The following GOLGA2 variants were observed in gnomAD, a reference collection of about 807,000 sequenced individuals.
GOLGA2 encodes golgin subfamily A member 2.
A neutral mutation model predicts 148.8 loss-of-function variants in GOLGA2; 49 were observed. The observed-to-expected ratio is 0.33, with a 90% confidence interval of 0.26 to 0.42. The LOEUF is 0.42. GOLGA2 is among the 10% of genes least tolerant of loss of function. The pLI, the probability that GOLGA2 is intolerant of heterozygous loss-of-function variation, is 1.00. For missense variants in GOLGA2, 1,178 were observed against 1,304.6 expected, an observed-to-expected ratio of 0.90 and a Z score of 1.49; for synonymous variants, 501 against 511.8, an observed-to-expected ratio of 0.98 and a Z score of 0.28.
In GOLGA2 at chr9:128,267,934, C is replaced by G; in HGVS notation, c.501G>C (p.Glu167Asp). 1 of 1,612,352 alleles carries G rather than the reference C, an allele frequency of 6.2e-7. No individual in the cohort carries two copies. Among genetic ancestry groups the G allele is most frequent in the Non-Finnish European group, 8.5e-7 (1 of 1,178,418 alleles). ...CTCTCGGCCTCAGTTCCTGAGGTAC[C>G]TCACAAACAAGACCATTGAGCTGTT... is the stretch of plus-strand genomic sequence containing the variant. ...LSQQLNGLVC[E>D]SATCVNGEGP... Residue 167 changes from glutamate (E) to aspartate (D), a missense_variant and splice_region_variant, in exon 6 of 27, where the codon GAG becomes GAC. Glu to Asp is a conservative substitution (Grantham distance 45). Transcript: ENST00000611957.
chr9:128,258,530 C>A lies in GOLGA2; in HGVS notation c.2214G>T (p.Glu738Asp). ...GTACTGCCACCGCCTCCTCCTCCTC[C>A]TCCTCCTCATCCTCCTCCTCCTCCC... ...LDREEEEDEE[E>D]EEEEAVAVPQ... is the part of the protein sequence containing the mutation. The change falls in exon 22 of 27, where the codon GAG becomes GAT. Residue 738 changes from glutamate to aspartate, a missense_variant. Transcript: ENST00000611957. The surrounding 1 kb of genome is among the most constrained non-coding windows in gnomAD (Gnocchi z 6.6). 3 of 1,593,478 alleles carry A rather than the reference C, an allele frequency of 1.9e-6. No individual in the cohort carries two copies. The highest frequency in any genetic ancestry group is 2.6e-6 in the Non-Finnish European group (3 of 1,170,298).
At chr9:128,268,383 C>T (rs780802605) in intron 4 of GOLGA2, 37 bp downstream of exon 4, 2 of 1,167,162 alleles carry the variant, frequency 1.7e-6, no homozygotes, top group East Asian at 2.3e-5. Flanking sequence ...ATAATAGGTA[C>T]AGGAGGGCAG....
At chr9:128,272,387 G>A (rs1476037465) in intron 3 of GOLGA2, among the ~76,000 whole-genome samples, 2 of 151,910 alleles carry the variant, frequency 1.3e-5, no homozygotes, top group South Asian at 4.1e-4. Flanking sequence ...AGGAGGCTGA[G>A]GCAGGAGAAA....
At position 128,261,626 on chromosome 9, in the gene GOLGA2, G is replaced by A; in HGVS notation, c.1224+42C>T. ...GGTTGTCACCTACTCCTGGCCACCT[G>A]GGGTCATCTTCCTTCTACATCCCTC... On this transcript the variant is annotated intron_variant, in intron 15 of 26. Transcript: ENST00000611957. The surrounding 1 kb of genome is among the most constrained non-coding windows in gnomAD (Gnocchi z 5.7). The A allele has an allele frequency of 2.0e-6, 3 of 1,526,230 alleles. No individual in the cohort carries two copies. Among genetic ancestry groups the A allele is most frequent in the South Asian group, 2.2e-5 (2 of 89,364 alleles). The allele number at this position is 1,526,230 out of a possible 1,614,324, so 94.5% of individuals were successfully genotyped here.
At position 128,260,436 on chromosome 9, in the gene GOLGA2, G is replaced by A. The variant is rs1830184810; in HGVS notation, c.1758+29C>T. 2 of 1,561,486 alleles carry A rather than the reference G, an allele frequency of 1.3e-6. No individual in the cohort carries two copies. The highest frequency in any genetic ancestry group is 1.8e-6 in the Non-Finnish European group (2 of 1,138,542). On this transcript the variant is annotated intron_variant, in intron 18 of 26. Transcript: ENST00000611957. This position sits in a 1 kb window ranked among gnomAD's most constrained non-coding sequence, Gnocchi z 4.8. ...CAAAGGTCTGGAGGGCTAGGGAGGAGGGCGGGCTCTCCAGGTGGGGCAGCG... is the reference window on the plus strand; with the variant it reads ...CAAAGGTCTGGAGGGCTAGGGAGGAAGGCGGGCTCTCCAGGTGGGGCAGCG...
chr9:128,268,310 C>T (rs544475358), intron 4 of GOLGA2, 110 bp downstream of exon 4: 34 of 1,028,250 alleles, frequency 3.3e-5, no homozygotes, highest in Non-Finnish European at 4.6e-5. Flanking sequence ...TCCCCCGGCC[C>T]GGTCCCCAGG....
rs765183160 is a variant in GOLGA2, at chr9:128,275,968, G to A, written c.9C>T (p.Pro3=). Residue 3 remains proline, a synonymous_variant, in exon 1 of 27, where the codon CCC becomes CCT. Coordinates refer to ENST00000611957, the MANE Select transcript of GOLGA2 (RefSeq NM_001366244.2). ...CGGGGCGGGGAGGGAGGCGGGGTTGGGGCCACATCAGCGCGATCCCGGCAA... is the reference window on the plus strand; with the variant it reads ...CGGGGCGGGGAGGGAGGCGGGGTTGAGGCCACATCAGCGCGATCCCGGCAA... MW[P]QPRLPPRPAM... 6.9e-6 allele frequency: 11 copies of A among 1,596,904 alleles called. No homozygotes were observed. Among genetic ancestry groups the A allele is most frequent in the Admixed American group, 1.8e-5 (1 of 55,512 alleles).
At position 128,266,650 on chromosome 9, in the gene GOLGA2, C is replaced by T. The variant is rs1347546269; in HGVS notation, c.643-325G>A. On this transcript the variant is annotated intron_variant, in intron 8 of 26. Transcript: ENST00000611957. This position sits in a 1 kb window ranked among gnomAD's most constrained non-coding sequence, Gnocchi z 4.2. ...TAGAAAGGTGTAATCATTCAACAAACATTTGCTGAGCACACACAGGCCAGG... is the reference window on the plus strand; with the variant it reads ...TAGAAAGGTGTAATCATTCAACAAATATTTGCTGAGCACACACAGGCCAGG... 2.1e-6 allele frequency: 1 copy of T among 473,396 alleles called. No individual in the cohort carries two copies. Among genetic ancestry groups the T allele is most frequent in the African/African-American group, 2.0e-5 (1 of 50,734 alleles). 29.3% of individuals were successfully genotyped at this position (473,396 alleles called of 1,614,324 possible). A position where few individuals can be genotyped will look rare whatever the true frequency, so the allele number is the denominator to read the frequency against.
Position 128,258,365 on chromosome 9 carries a change from T to G in GOLGA2, c.2289+90A>C. On this transcript the variant is annotated intron_variant, in intron 22 of 26. Coordinates refer to ENST00000611957, the MANE Select transcript of GOLGA2 (RefSeq NM_001366244.2). This position sits in a 1 kb window ranked among gnomAD's most constrained non-coding sequence, Gnocchi z 6.6. The stretch of plus-strand genomic sequence containing the variant: ...GGAAAGGGGTGAGGGTCCGAAGAAA[T>G]CAGAAGGCCGGGAAACCAAGAGCAG... 1 of 1,309,276 alleles carries G rather than the reference T, an allele frequency of 7.6e-7. No individual in the cohort carries two copies. The allele number at this position is 1,309,276 out of a possible 1,614,324, so 81.1% of individuals were successfully genotyped here.
intron 3 of GOLGA2, among the ~76,000 whole-genome samples, chr9:128,269,279 CA>C (rs951306071): frequency 1.3e-5 from 2 of 149,646 alleles, no homozygotes; most frequent in African/African-American, 5.1e-5. Context: ...CAGGCCTTTT[CA>C]GGGGGAAAAA....
chr9:128,260,122 T>TTTCCCAGCTCCC lies in GOLGA2; in HGVS notation c.1814_1825dup (p.Arg605_Gly608dup). 1.2e-6 allele frequency: 2 copies of TTTCCCAGCTCCC among 1,611,344 alleles called. No homozygotes were observed. Among genetic ancestry groups the TTTCCCAGCTCCC allele is most frequent in the Non-Finnish European group, 1.7e-6 (2 of 1,179,866 alleles). The stretch of plus-strand genomic sequence containing the variant: ...CTTCTCCTGCAGCTCGCCCAGCTTC[T>TTTCCCAGCTCCC]TTCCCAGCTCCCTCTTGACGTGCTG... On this transcript the variant is annotated inframe_insertion, in exon 19 of 27. Transcript: ENST00000611957. This position sits in a 1 kb window ranked among gnomAD's most constrained non-coding sequence, Gnocchi z 4.8.
At chr9:128,265,537 A>C (rs907680497) in intron 12 of GOLGA2, 48 bp downstream of exon 12, 2 of 1,356,144 alleles carry the variant, frequency 1.5e-6, no homozygotes, top group Non-Finnish European at 2.1e-6. Context: ...TCACTCCTCC[A>C]TCTGGGAAGC....
intron 3 of GOLGA2, among the ~76,000 whole-genome samples, chr9:128,269,879 A>C (rs10987950): frequency 6.6e-6 from 1 of 152,176 alleles, no homozygotes; most frequent in Non-Finnish European, 1.5e-5. Flanking sequence ...GGCTGGTGGA[A>C]CTGAAGATGA....
intron 12 of GOLGA2, 108 bp from the exon 13 acceptor site, chr9:128,263,200 A>C: frequency 8.0e-6 from 6 of 752,636 alleles, no homozygotes; most frequent in African/African-American, 1.7e-5. Context: ...CCTCACTCTC[A>C]ATCACACTTG....
rs759420780 is a variant in GOLGA2, at chr9:128,257,854, C to T, written c.2547G>A (p.Leu849=). 1 of 1,614,080 alleles carries T rather than the reference C, an allele frequency of 6.2e-7. No individual in the cohort carries two copies. The highest frequency in any genetic ancestry group is 8.5e-7 in the Non-Finnish European group (1 of 1,180,038). Residue 849 remains leucine (L), a synonymous_variant, in exon 24 of 27, where the codon CTG becomes CTA. Coordinates refer to ENST00000611957, the MANE Select transcript of GOLGA2 (RefSeq NM_001366244.2). This position sits in a 1 kb window ranked among gnomAD's most constrained non-coding sequence, Gnocchi z 8.0. ...FMELMQEKAD[L]KERVEELEHR... ...GTTCCAGTTCCTCTACCCTCTCCTT[C>T]AGGTCTGCCTTCTCCTGCATGAGCT... is the stretch of plus-strand genomic sequence containing the variant.
At chr9:128,270,199 T>C (rs1380177929) in intron 3 of GOLGA2, among the ~76,000 whole-genome samples, 2 of 144,876 alleles carry the variant, frequency 1.4e-5, no homozygotes, top group Admixed American at 7.2e-5. Flanking sequence ...AGTGGCGAGA[T>C]CTCCACTCAC....
Position 128,258,240 on chromosome 9 carries a change from G to A in GOLGA2, c.2290-42C>T. 2 of 1,449,404 alleles carry A rather than the reference G, an allele frequency of 1.4e-6. No homozygotes were observed. Among genetic ancestry groups the A allele is most frequent in the Non-Finnish European group, 1.9e-6 (2 of 1,058,986 alleles). The allele number at this position is 1,449,404 out of a possible 1,614,324, so 89.8% of individuals were successfully genotyped here. A position where few individuals can be genotyped will look rare whatever the true frequency, so the allele number is the denominator to read the frequency against. The stretch of plus-strand genomic sequence containing the variant: ...TGCATTCTTGTAGGAGGATATATAG[G>A]ATGAACAGGGCAGGGAGGTAGAGAG... On this transcript the variant is annotated intron_variant, in intron 22 of 26. Coordinates refer to ENST00000611957, the MANE Select transcript of GOLGA2 (RefSeq NM_001366244.2). The surrounding 1 kb of genome is among the most constrained non-coding windows in gnomAD (Gnocchi z 6.6).
At position 128,258,345 on chromosome 9, in the gene GOLGA2, G is replaced by C; in HGVS notation, c.2289+110C>G. 8.4e-7 allele frequency: 1 copy of C among 1,190,288 alleles called. No individual in the cohort carries two copies. Among genetic ancestry groups the C allele is most frequent in the East Asian group, 2.4e-5 (1 of 42,514 alleles). The allele number at this position is 1,190,288 out of a possible 1,614,324, so 73.7% of individuals were successfully genotyped here. On this transcript the variant is annotated intron_variant, in intron 22 of 26. Coordinates refer to ENST00000611957, the MANE Select transcript of GOLGA2 (RefSeq NM_001366244.2). This position sits in a 1 kb window ranked among gnomAD's most constrained non-coding sequence, Gnocchi z 6.6. ...TGTCTCACCACTGGCTCCCAGGAAA[G>C]GGGTGAGGGTCCGAAGAAATCAGAA...
At position 128,266,051 on chromosome 9, in the gene GOLGA2, AG is replaced by A. The variant is rs776248398; in HGVS notation, c.682-32del. ...GGAAGAGGAAGACAGAGCTCTTACG[AG>A]GGGGAGGCAGAGACGGCACAGCAAG... On this transcript the variant is annotated intron_variant, in intron 9 of 26. Transcript: ENST00000611957. The surrounding 1 kb of genome is among the most constrained non-coding windows in gnomAD (Gnocchi z 4.2). 2 of 1,583,172 alleles carry A rather than the reference AG, an allele frequency of 1.3e-6. No homozygotes were observed. Among genetic ancestry groups the A allele is most frequent in the African/African-American group, 1.3e-5 (1 of 74,392 alleles).
Sources: gnomAD v4.1 joint callset for allele counts (sites outside exome capture counted in the v4.1 genomes callset) on GRCh38, gnomAD v4.1.1 for gene constraint, Gnocchi (gnomAD v3.1) non-coding constraint, MANE v1.5 for transcripts, NCBI Gene and HGNC (gene_info 2026-07-23, HGNC 2026-07-21) for gene names.